The following MUSK variants were observed in gnomAD, a reference collection of about 807,000 sequenced individuals.
The protein encoded by MUSK is muscle associated receptor tyrosine kinase, also known as muscle, skeletal receptor tyrosine-protein kinase.
Under a neutral mutation model 88.7 loss-of-function variants are expected in MUSK, and 55 were observed. The observed-to-expected ratio is 0.62, with a 90% CI of 0.50 to 0.78. The LOEUF is 0.78. Ranked by LOEUF, MUSK falls within the 30% of genes least tolerant of loss-of-function variation. The pLI is 0.00. For missense variants in MUSK, 1,015 were observed against 1,074.3 expected (o/e 0.94, Z 0.77); for synonymous variants, 387 against 391.9 (o/e 0.99, Z 0.15).
rs2078154147 is a variant in MUSK at position 110,805,822 on chromosome 9, A to G, written c.*4834A>G. 1.1e-5 allele frequency among the ~76,000 whole-genome samples: 1 copy of G among 90,822 alleles called. No homozygotes were observed. The highest frequency in any genetic ancestry group is 5.2e-5 in the African/African-American group (1 of 19,376). 59.6% of individuals were successfully genotyped at this position (90,822 alleles called of 152,430 possible). On this transcript the variant is annotated 3_prime_UTR_variant, in exon 15 of 15. Coordinates refer to ENST00000374448, the MANE Select transcript of MUSK (RefSeq NM_005592.4). ...CTACTTAACTACCAAATTAATTTAC[A>G]TATATTTGCATCAATATTAAGTTCA...
chr9:110,688,657 C>G (rs1700167408), intron 3 of MUSK, among the ~76,000 whole-genome samples: 1 of 151,782 alleles, frequency 6.6e-6, no homozygotes, highest in Non-Finnish European at 1.5e-5. Context: ...GCTGTTTCCC[C>G]CCATGTGTTC....
chr9:110,765,445 C>T (rs1299581954), intron 8 of MUSK, among the ~76,000 whole-genome samples: 1 of 152,108 alleles, frequency 6.6e-6, no homozygotes, highest in African/African-American at 2.4e-5. Flanking sequence ...CTTTCCTTCC[C>T]ATCCTAACAG....
chr9:110,693,570 G>C (rs138757939), intron 3 of MUSK, among the ~76,000 whole-genome samples: 43 of 152,292 alleles, frequency 2.8e-4, no homozygotes, highest in African/African-American at 9.9e-4. Context: ...CAGTACTTAT[G>C]ACTCCACCCT....
chr9:110,694,415 C>A (rs796079529), intron 3 of MUSK, among the ~76,000 whole-genome samples: 6,178 of 106,430 alleles, frequency 0.058, 255 homozygotes, highest in African/African-American at 0.13. Context: ...AACAAAAAAA[C>A]AAAACCCAAC....
At chr9:110,690,002 A>T (rs1322062941) in intron 3 of MUSK, among the ~76,000 whole-genome samples, 2 of 93,144 alleles carry the variant, frequency 2.1e-5, no homozygotes, top group African/African-American at 9.1e-5. Context: ...TATATATTAT[A>T]TATTATAAAT....
At chr9:110,677,411 G>T (rs925693382) in intron 1 of MUSK, among the ~76,000 whole-genome samples, 2 of 152,074 alleles carry the variant, frequency 1.3e-5, no homozygotes, top group Admixed American at 1.3e-4. Flanking sequence ...TTAACTTAAC[G>T]TCTCGGCAGC....
rs2078096756 is a variant in MUSK, at chr9:110,801,426, G to A, written c.*438G>A. 6.5e-6 allele frequency: 1 copy of A among 153,344 alleles called. No homozygotes were observed. The highest frequency in any genetic ancestry group is 2.4e-5 in the African/African-American group (1 of 41,482). The allele number at this position is 153,344 out of a possible 1,614,324, so 9.5% of individuals were successfully genotyped here. A position where few individuals can be genotyped will look rare whatever the true frequency, so the allele number is the denominator to read the frequency against. ...CTTAATCGTCATGTAAGACACTTAGGTGAAGTACAGAAAACTAAAAAGAAG... is the reference window on the plus strand; with the variant it reads ...CTTAATCGTCATGTAAGACACTTAGATGAAGTACAGAAAACTAAAAAGAAG... On this transcript the variant is annotated 3_prime_UTR_variant, in exon 15 of 15. Coordinates refer to ENST00000374448, the MANE Select transcript of MUSK (RefSeq NM_005592.4).
intron 8 of MUSK, among the ~76,000 whole-genome samples, chr9:110,762,813 C>G (rs2077421524): frequency 6.6e-6 from 1 of 152,142 alleles, no homozygotes; most frequent in African/African-American, 2.4e-5. Flanking sequence ...TTTAAGACAG[C>G]ATTCTTAGCA....
chr9:110,761,163 T>C (rs922645650), intron 7 of MUSK, among the ~76,000 whole-genome samples: 3 of 152,214 alleles, frequency 2.0e-5, no homozygotes, highest in African/African-American at 7.2e-5. Flanking sequence ...TATCACACCC[T>C]TGCCGGGATT....
chr9:110,755,953 CATATATATATACAT>C (rs1272110710), intron 7 of MUSK, among the ~76,000 whole-genome samples: 7 of 70,682 alleles, frequency 9.9e-5, no homozygotes, highest in African/African-American at 1.7e-4. Flanking sequence ...TATATATACA[CATATATATATACAT>C]ATATATATAT....
intron 5 of MUSK, among the ~76,000 whole-genome samples, chr9:110,702,373 T>A (rs1257813970): frequency 2.6e-5 from 4 of 151,972 alleles, no homozygotes; most frequent in Non-Finnish European, 5.9e-5. Context: ...GAAATGGAGG[T>A]TAGCATTCAA....
chr9:110,680,818 TTTTA>T (rs1212376846), intron 1 of MUSK, among the ~76,000 whole-genome samples: 2 of 147,752 alleles, frequency 1.4e-5, no homozygotes, highest in African/African-American at 5.0e-5. Flanking sequence ...TGCTCCCCTC[TTTTA>T]TTTTTCTCAA....
chr9:110,704,998 A>G (rs2076577982), intron 5 of MUSK, among the ~76,000 whole-genome samples: 1 of 151,228 alleles, frequency 6.6e-6, no homozygotes, highest in East Asian at 1.9e-4. Flanking sequence ...AAAAAAAAAA[A>G]GAAAGAAAGA....
chr9:110,740,925 T>A (rs755435382), intron 6 of MUSK, among the ~76,000 whole-genome samples: 2 of 152,152 alleles, frequency 1.3e-5, no homozygotes, highest in Non-Finnish European at 2.9e-5. Flanking sequence ...CTCACTTATA[T>A]GTGGAATCTA....
At chr9:110,706,836 T>C (rs1183630233) in intron 5 of MUSK, among the ~76,000 whole-genome samples, 1 of 151,966 alleles carries the variant, frequency 6.6e-6, no homozygotes, top group African/African-American at 2.4e-5. Context: ...AAGCCACGTC[T>C]CTACTAAAAA....
chr9:110,679,610 G>C (rs1350309826), intron 1 of MUSK, among the ~76,000 whole-genome samples: 1 of 150,976 alleles, frequency 6.6e-6, no homozygotes, highest in African/African-American at 2.4e-5. Flanking sequence ...GCTTTTTCTT[G>C]GCTTATTTAT....
intron 11 of MUSK, among the ~76,000 whole-genome samples, chr9:110,783,331 T>C (rs1374768704): frequency 6.6e-6 from 1 of 152,072 alleles, no homozygotes. Context: ...CTGGAACATA[T>C]TATAAATATG....
chr9:110,802,185 T>C lies in MUSK; in HGVS notation c.*1197T>C, dbSNP rs139889303. On this transcript the variant is annotated 3_prime_UTR_variant, in exon 15 of 15. Coordinates refer to ENST00000374448, the MANE Select transcript of MUSK (RefSeq NM_005592.4). ...AATATCGTTCTGCTTAACAACTTTG[T>C]GCATGACATATTAACTGATTTTGTT... is the stretch of plus-strand genomic sequence containing the variant. Among the ~76,000 whole-genome samples the C allele has an allele frequency of 3.3e-4, 50 of 152,264 alleles. No homozygotes were observed. In the East Asian group the frequency reaches 8.1e-3, roughly 25 times the overall value.
chr9:110,701,674 T>C (rs1442852481), intron 5 of MUSK, among the ~76,000 whole-genome samples: 1 of 26,406 alleles, frequency 3.8e-5, no homozygotes, highest in Non-Finnish European at 6.8e-5. Flanking sequence ...TATTTTATTT[T>C]ATTTTTTTTA....
Sources: gnomAD v4.1 joint callset for allele counts (sites outside exome capture counted in the v4.1 genomes callset) on GRCh38, gnomAD v4.1.1 for gene constraint, MANE v1.5 for transcripts, NCBI Gene and HGNC (gene_info 2026-07-23, HGNC 2026-07-21) for gene names.